LAMC1: variants seen among roughly 807,000 people sequenced by gnomAD.
LAMC1 encodes the protein laminin subunit gamma-1.
LAMC1 carries 38 observed loss-of-function variants against 173.6 expected under a neutral mutation model. That is an observed-to-expected ratio of 0.22 (90% CI 0.17 to 0.29). The LOEUF is 0.29. LAMC1 is among the 10% of genes least tolerant of loss of function. LAMC1 has a pLI of 1.00. For synonymous variants in LAMC1, 746 were observed against 749.1 expected (o/e 1.00, Z 0.07); for missense variants, 1,824 against 2,051.8 (o/e 0.89, Z 2.14).
chr1:183,085,246 A>T (rs758602429), intron 1 of LAMC1, among the ~76,000 whole-genome samples: 1 of 151,508 alleles, frequency 6.6e-6, no homozygotes. Flanking sequence ...TTATGAAATC[A>T]TCCATTTGGG....
At chr1:183,111,773 C>T (rs570651333) in intron 4 of LAMC1, among the ~76,000 whole-genome samples, 8 of 133,876 alleles carry the variant, frequency 6.0e-5, no homozygotes, top group East Asian at 4.6e-4. Context: ...CGGTGGCTAA[C>T]GCCTGTAATC....
intron 1 of LAMC1, among the ~76,000 whole-genome samples, chr1:183,091,974 G>T (rs1655576952): frequency 6.6e-6 from 1 of 152,198 alleles, no homozygotes; most frequent in South Asian, 2.1e-4. Flanking sequence ...ATTTCTACTT[G>T]CCTAGGTTTT....
At chr1:183,042,676 A>G (rs943912265) in intron 1 of LAMC1, among the ~76,000 whole-genome samples, 12 of 152,138 alleles carry the variant, frequency 7.9e-5, no homozygotes, top group Non-Finnish European at 1.8e-4. Context: ...GATCCTCACA[A>G]CTTTAGCTTT....
rs759360919 is a variant in LAMC1 at position 183,126,120 on chromosome 1, G to A, written c.2802G>A (p.Arg934=). ...AGAAATGTCCTGTGTTCATTTTCAG[G>A]TGTGACTGCCATGCCTTGGGCTCCA... is the stretch of plus-strand genomic sequence containing the variant. ...YNLQSGQGCE[R]CDCHALGSTN... The change falls in exon 16 of 28, where the codon AGG becomes AGA. Residue 934 remains arginine (R), a splice_region_variant and synonymous_variant. Transcript: ENST00000258341. 1 of 1,612,508 alleles carries A rather than the reference G, an allele frequency of 6.2e-7. No homozygotes were observed. Among genetic ancestry groups the A allele is most frequent in the Non-Finnish European group, 8.5e-7 (1 of 1,179,584 alleles).
chr1:183,068,442 A>C (rs1325013719), intron 1 of LAMC1, among the ~76,000 whole-genome samples: 1 of 152,216 alleles, frequency 6.6e-6, no homozygotes, highest in Non-Finnish European at 1.5e-5. Context: ...AGAAAGGTTT[A>C]GGGATATTAA....
At chr1:183,075,135 T>C (rs946062859) in intron 1 of LAMC1, among the ~76,000 whole-genome samples, 2 of 152,052 alleles carry the variant, frequency 1.3e-5, no homozygotes, top group Non-Finnish European at 2.9e-5. Context: ...GCTTTTTTTT[T>C]TTTTTTCGAG....
intron 18 of LAMC1, 48 bp downstream of exon 18, chr1:183,128,798 T>G: frequency 6.9e-7 from 1 of 1,441,442 alleles, no homozygotes; most frequent in Non-Finnish European, 9.3e-7. Context: ...GGACCAATCT[T>G]TAGATGTGGC....
chr1:183,106,965 C>T (rs1372970366), intron 2 of LAMC1, among the ~76,000 whole-genome samples: 1 of 152,168 alleles, frequency 6.6e-6, no homozygotes, highest in Non-Finnish European at 1.5e-5. Flanking sequence ...AAAGAGACTG[C>T]ACTGGTTGTG....
rs138207875 is a variant in LAMC1 at position 183,093,362 on chromosome 1, C to T, written c.419-9966C>T. ...GTATATGACAAAGTTCAGTTGGTCA[C>T]TCTCTTCTTTTTAAAAGAAGCTTTT... is the stretch of plus-strand genomic sequence containing the variant. On this transcript the variant is annotated intron_variant, in intron 1 of 27. Coordinates refer to ENST00000258341, the MANE Select transcript of LAMC1 (RefSeq NM_002293.4). Among the ~76,000 whole-genome samples, 388 of 152,218 alleles carry T rather than the reference C, an allele frequency of 2.5e-3. 1 individual carries two copies. Among genetic ancestry groups the T allele is most frequent in the Admixed American group, 5.8e-3 (89 of 15,284 alleles).
At chr1:183,073,580 G>C (rs1270109834) in intron 1 of LAMC1, among the ~76,000 whole-genome samples, 1 of 152,172 alleles carries the variant, frequency 6.6e-6, no homozygotes, top group Non-Finnish European at 1.5e-5. Flanking sequence ...AACCCAGTGG[G>C]CACTCAAGCC....
intron 1 of LAMC1, among the ~76,000 whole-genome samples, chr1:183,034,568 G>A (rs1333056151): frequency 1.3e-5 from 2 of 152,208 alleles, no homozygotes; most frequent in Non-Finnish European, 2.9e-5. Context: ...ACCGCGCCCA[G>A]CCCAGTTGAA....
At chr1:183,058,748 A>G (rs1186806617) in intron 1 of LAMC1, among the ~76,000 whole-genome samples, 1 of 152,172 alleles carries the variant, frequency 6.6e-6, no homozygotes, top group African/African-American at 2.4e-5. Context: ...GTACCTTCCC[A>G]AAAACATCCA....
intron 1 of LAMC1, among the ~76,000 whole-genome samples, chr1:183,056,543 G>A (rs112826228): frequency 0.018 from 2,742 of 151,724 alleles, 48 homozygotes; most frequent in South Asian, 0.078. Context: ...CCATCCCCCC[G>A]TTCACCAATT....
chr1:183,079,231 G>GTTTTTTTTTTTTTT (rs1262239438), intron 1 of LAMC1, among the ~76,000 whole-genome samples: 1 of 95,620 alleles, frequency 1.0e-5, no homozygotes. Context: ...TCTCTAATCT[G>GTTTTTTTTTTTTTT]GTTTTTTTTT....
chr1:183,124,521 A>G (rs147391629), intron 13 of LAMC1, 110 bp from the exon 14 acceptor site: 5 of 1,343,910 alleles, frequency 3.7e-6, no homozygotes, highest in Non-Finnish European at 5.2e-6. Context: ...CCACTGCACC[A>G]TGTCTTCTCT....
chr1:183,029,636 C>T (rs992036972), intron 1 of LAMC1, among the ~76,000 whole-genome samples: 2 of 152,136 alleles, frequency 1.3e-5, no homozygotes, highest in Admixed American at 6.5e-5. Context: ...TTCTCTCTCT[C>T]TCCCCTTTCT....
chr1:183,141,127 A>G (rs1657100967), intron 27 of LAMC1: 4 of 152,026 alleles, frequency 2.6e-5, no homozygotes. Flanking sequence ...CCTAGGCAAC[A>G]TAGCGAGATC....
intron 13 of LAMC1, 128 bp from the exon 14 acceptor site, chr1:183,124,503 T>C (rs1656567658): frequency 8.8e-7 from 1 of 1,142,050 alleles, no homozygotes; most frequent in Non-Finnish European, 1.3e-6. Context: ...GCCCAGGTCC[T>C]CTGCCCTCCA....
intron 1 of LAMC1, among the ~76,000 whole-genome samples, chr1:183,039,990 G>A (rs116226676): frequency 0.012 from 1,752 of 152,294 alleles, 23 homozygotes; most frequent in South Asian, 0.046. Flanking sequence ...GAGAGGAGAG[G>A]CTGCTTTGTT....
Sources: gnomAD v4.1 joint callset for allele counts (sites outside exome capture counted in the v4.1 genomes callset) on GRCh38, gnomAD v4.1.1 for gene constraint, MANE v1.5 for transcripts, NCBI Gene and HGNC (gene_info 2026-07-23, HGNC 2026-07-21) for gene names.